The following CNTLN variants were observed in gnomAD, a reference collection of about 807,000 sequenced individuals.
CNTLN encodes the protein centlein, centrosomal protein.
In CNTLN, 212 loss-of-function variants were observed where a neutral mutation model predicts 180.0. The observed-to-expected ratio is 1.18, with a 90% CI of 1.05 to 1.32. The LOEUF is 1.32. CNTLN is among the 40% of genes most tolerant of loss of function. The probability of loss-of-function intolerance (pLI) is 0.00; values close to 1 mark genes in which losing one functional copy is unlikely to be tolerated. For synonymous variants in CNTLN, 722 were observed against 563.1 expected, an observed-to-expected ratio of 1.28 and a Z score of -3.99; for missense variants, 2,095 against 1,610.9, an observed-to-expected ratio of 1.30 and a Z score of -5.14.
intron 5 of CNTLN, among the ~76,000 whole-genome samples, chr9:17,270,079 C>T (rs1827821331): frequency 6.6e-6 from 1 of 151,894 alleles, no homozygotes; most frequent in Admixed American, 6.6e-5. Flanking sequence ...ATATTGGCTG[C>T]TAATAAGAAT....
Position 17,498,974 on chromosome 9 carries a change from AAAGAT to A in CNTLN, c.4120-3574_4120-3570del, listed in dbSNP as rs1833599303. Among the ~76,000 whole-genome samples, 10 of 152,196 alleles carry A rather than the reference AAAGAT, an allele frequency of 6.6e-5. 1 individual carries two copies. The South Asian group carries it at 2.1e-3, about 31-fold the overall frequency. On this transcript the variant is annotated intron_variant, in intron 25 of 25. Coordinates refer to ENST00000380647, the MANE Select transcript of CNTLN (RefSeq NM_017738.4). ...ACGTAGCCCCTTCCAGAATGCATAT[AAAGAT>A]AATATAATTAACTATAAACTCCTTG...
At chr9:17,478,565 C>G (rs973999292) in intron 23 of CNTLN, among the ~76,000 whole-genome samples, 1 of 151,434 alleles carries the variant, frequency 6.6e-6, no homozygotes, top group Admixed American at 6.6e-5. Flanking sequence ...CACTCTGTTT[C>G]CCACGCTGGA....
intron 12 of CNTLN, among the ~76,000 whole-genome samples, chr9:17,350,812 C>T (rs1294428650): frequency 6.6e-6 from 1 of 152,120 alleles, no homozygotes; most frequent in Non-Finnish European, 1.5e-5. Flanking sequence ...AAGTCCCCAT[C>T]TCCGACTATC....
At chr9:17,492,898 A>G (rs564390693) in intron 25 of CNTLN, among the ~76,000 whole-genome samples, 1 of 152,348 alleles carries the variant, frequency 6.6e-6, no homozygotes, top group East Asian at 1.9e-4. Flanking sequence ...TTTATTATTC[A>G]GCCTTAAAAA....
At chr9:17,188,513 A>G (rs1323379403) in intron 2 of CNTLN, among the ~76,000 whole-genome samples, 1 of 152,158 alleles carries the variant, frequency 6.6e-6, no homozygotes, top group Non-Finnish European at 1.5e-5. Context: ...TGAATATAAT[A>G]TTGTTTAGGC....
chr9:17,175,450 G>A (rs973838295), intron 2 of CNTLN, among the ~76,000 whole-genome samples: 1 of 151,876 alleles, frequency 6.6e-6, no homozygotes, highest in Admixed American at 6.6e-5. Flanking sequence ...AAATCACTTG[G>A]GTATATTTGC....
intron 12 of CNTLN, among the ~76,000 whole-genome samples, chr9:17,349,704 A>G (rs188155677): frequency 1.3e-5 from 2 of 152,164 alleles, no homozygotes; most frequent in African/African-American, 4.8e-5. Context: ...TTTATAAGAT[A>G]TATCTATCAT....
At chr9:17,237,400 CA>C (rs1825218643) in intron 5 of CNTLN, among the ~76,000 whole-genome samples, 7 of 140,866 alleles carry the variant, frequency 5.0e-5, no homozygotes, top group African/African-American at 1.9e-4. Context: ...CACACACACA[CA>C]CACACGGTTA....
chr9:17,457,457 A>G (rs1831196514), intron 18 of CNTLN, 67 bp from the exon 19 acceptor site: 7 of 850,734 alleles, frequency 8.2e-6, no homozygotes, highest in Admixed American at 3.9e-5. Context: ...TTATGCTGAT[A>G]ATTGTTAGAT....
rs977229333 is a variant in CNTLN at position 17,340,858 on chromosome 9, A to G, written c.1676A>G (p.His559Arg). 5 of 1,611,924 alleles carry G rather than the reference A, an allele frequency of 3.1e-6. No individual in the cohort carries two copies. The highest frequency in any genetic ancestry group is 2.7e-5 in the African/African-American group (2 of 74,800). The change falls in exon 11 of 26, where the codon CAT (histidine) becomes CGT (arginine). Residue 559 changes from histidine (H) to arginine (R), a missense_variant. Physicochemically the swap from His to Arg is conservative, Grantham distance 29. Coordinates refer to ENST00000380647, the MANE Select transcript of CNTLN (RefSeq NM_017738.4). Reference sequence around the variant, plus strand: ...GAAAATGATGAGCTAAGAGATGCCCATGAAAAACGCAAGGAACGGCTACAG... The same window carrying G: ...GAAAATGATGAGCTAAGAGATGCCCGTGAAAAACGCAAGGAACGGCTACAG... ...SQENDELRDA[H>R]EKRKERLQML...
At chr9:17,296,024 G>A (rs1817900820) in intron 6 of CNTLN, among the ~76,000 whole-genome samples, 1 of 145,374 alleles carries the variant, frequency 6.9e-6, no homozygotes, top group Non-Finnish European at 1.5e-5. Context: ...GTGTGTGTGT[G>A]TGTGTGTGTG....
At chr9:17,308,548 G>A (rs1818899586) in intron 7 of CNTLN, among the ~76,000 whole-genome samples, 1 of 151,974 alleles carries the variant, frequency 6.6e-6, no homozygotes, top group Non-Finnish European at 1.5e-5. Flanking sequence ...TCTTTCAAAT[G>A]TATATGTTAA....
At chr9:17,311,709 T>C (rs1469183470) in intron 8 of CNTLN, among the ~76,000 whole-genome samples, 1 of 151,992 alleles carries the variant, frequency 6.6e-6, no homozygotes, top group Non-Finnish European at 1.5e-5. Flanking sequence ...CTCGGGAGGC[T>C]GAGGCAGGAG....
At chr9:17,378,050 T>C (rs1221484949) in intron 13 of CNTLN, among the ~76,000 whole-genome samples, 2 of 152,226 alleles carry the variant, frequency 1.3e-5, no homozygotes, top group African/African-American at 4.8e-5. Context: ...AAGTTGTCTT[T>C]ATGTTAGATT....
At chr9:17,288,032 T>C (rs930363362) in intron 6 of CNTLN, among the ~76,000 whole-genome samples, 6 of 139,474 alleles carry the variant, frequency 4.3e-5, no homozygotes, top group African/African-American at 1.8e-4. Context: ...ATGTTAGTTA[T>C]TTCTTGCCTT....
Position 17,448,970 on chromosome 9 carries a change from T to C in CNTLN, c.3115-8554T>C, listed in dbSNP as rs184628267. On this transcript the variant is annotated intron_variant, in intron 18 of 25. Transcript: ENST00000380647. ...ACAGTTTCTCCTTTAGGACATCAAA[T>C]AGCGCTACCATCCTCTTTCTTTCCT... Among the ~76,000 whole-genome samples, 237 of 152,284 alleles carry C rather than the reference T, an allele frequency of 1.6e-3. 1 individual carries two copies. The highest frequency in any genetic ancestry group is 3.7e-4 in the Non-Finnish European group (25 of 68,014).
chr9:17,433,029 A>AC, intron 18 of CNTLN, among the ~76,000 whole-genome samples: 1 of 150,658 alleles, frequency 6.6e-6, no homozygotes, highest in South Asian at 2.1e-4. Flanking sequence ...TCAAAAAAAA[A>AC]AAAAAAAAAC....
intron 6 of CNTLN, among the ~76,000 whole-genome samples, chr9:17,290,433 A>G (rs1829299164): frequency 1.3e-5 from 2 of 148,542 alleles, no homozygotes; most frequent in Non-Finnish European, 3.0e-5. Flanking sequence ...AGGGACACTT[A>G]AGTCTGCAGA....
chr9:17,278,858 T>G (rs1828481133), intron 6 of CNTLN, among the ~76,000 whole-genome samples: 1 of 152,190 alleles, frequency 6.6e-6, no homozygotes, highest in Admixed American at 6.5e-5. Context: ...TCCTGATTTA[T>G]AAATTGAAGA....
Sources: allele counts gnomAD v4.1 joint callset (sites outside exome capture counted in the v4.1 genomes callset), GRCh38; gene constraint gnomAD v4.1.1; transcripts MANE v1.5; gene names NCBI Gene and HGNC (gene_info 2026-07-23, HGNC 2026-07-21).